CLNK: variants seen among roughly 807,000 people sequenced by gnomAD.
CLNK encodes the protein cytokine dependent hematopoietic cell linker.
CLNK carries 74 observed loss-of-function variants against 68.6 expected under a neutral mutation model. That is an observed-to-expected ratio of 1.08 (90% CI 0.89 to 1.31). CLNK has a LOEUF of 1.31. Among genes scored for constraint, CLNK ranks in the 50% most tolerant of loss-of-function variants. CLNK has a pLI of 0.00. For synonymous variants in CLNK, 198 were observed against 172.2 expected (o/e 1.15, Z -1.17); for missense variants, 553 against 515.3 (o/e 1.07, Z -0.71).
At chr4:10,537,730 T>TCTTTCTTTCTTTCTTTCTTC (rs1385874585) in intron 11 of CLNK, among the ~76,000 whole-genome samples, 4 of 132,812 alleles carry the variant, frequency 3.0e-5, no homozygotes, top group Non-Finnish European at 4.8e-5. Context: ...TTTCTTTCTT[T>TCTTTCTTTCTTTCTTTCTTC]CTTTCTTCCT....
At chr4:10,640,388 A>C (rs1392526105) in intron 2 of CLNK, among the ~76,000 whole-genome samples, 1 of 151,992 alleles carries the variant, frequency 6.6e-6, no homozygotes, top group Non-Finnish European at 1.5e-5. Flanking sequence ...CTGGTCTCGA[A>C]CTCCTGACCT....
At chr4:10,688,681 A>T (rs1725354829), upstream of CLNK, among the ~76,000 whole-genome samples, 1 of 152,210 alleles carries the variant, frequency 6.6e-6, no homozygotes. Flanking sequence ...GTATAAAATG[A>T]TAAAATTCTC....
At chr4:10,565,975 A>G (rs1353557519) in intron 6 of CLNK, 34 bp downstream of exon 6, 2 of 1,606,340 alleles carry the variant, frequency 1.2e-6, no homozygotes, top group African/African-American at 1.3e-5. Context: ...ATGTACATGC[A>G]TCTTCTTATT....
At chr4:10,660,800 G>A (rs1246071869) in intron 2 of CLNK, among the ~76,000 whole-genome samples, 1 of 152,166 alleles carries the variant, frequency 6.6e-6, no homozygotes, top group Non-Finnish European at 1.5e-5. Flanking sequence ...AACCACACCT[G>A]CTGCTCCTGC....
intron 1 of CLNK, among the ~76,000 whole-genome samples, chr4:10,678,207 G>T (rs1724950066): frequency 6.6e-6 from 1 of 152,200 alleles, no homozygotes; most frequent in African/African-American, 2.4e-5. Context: ...ATTATACAGT[G>T]AATTGTACAA....
intron 3 of CLNK, among the ~76,000 whole-genome samples, chr4:10,585,773 A>C (rs968409897): frequency 5.9e-5 from 9 of 152,224 alleles, no homozygotes; most frequent in African/African-American, 2.2e-4. Flanking sequence ...GCAACATAGC[A>C]AGATCTCTTG....
chr4:10,668,548 A>T (rs1724498741), intron 1 of CLNK, among the ~76,000 whole-genome samples: 1 of 152,200 alleles, frequency 6.6e-6, no homozygotes, highest in African/African-American at 2.4e-5. Flanking sequence ...TGACACTCTC[A>T]AATTGGGTAA....
intron 1 of CLNK, among the ~76,000 whole-genome samples, chr4:10,678,829 G>A (rs1724973949): frequency 6.6e-6 from 1 of 152,094 alleles, no homozygotes; most frequent in Non-Finnish European, 1.5e-5. Flanking sequence ...CCTCTTCAAG[G>A]AGAACTACAA....
chr4:10,726,010 A>G, the CLNK span, among the ~76,000 whole-genome samples: 2 of 152,166 alleles, frequency 1.3e-5, no homozygotes, highest in Non-Finnish European at 2.9e-5. Flanking sequence ...TGGGGACCAG[A>G]GGCTGTGAGC....
intron 4 of CLNK, among the ~76,000 whole-genome samples, chr4:10,578,973 G>A (rs1469810361): frequency 1.3e-5 from 2 of 152,230 alleles, no homozygotes; most frequent in African/African-American, 2.4e-5. Context: ...CTCCATGTAT[G>A]TGAATGTCTT....
intron 2 of CLNK, among the ~76,000 whole-genome samples, chr4:10,605,999 T>C (rs2108850574): frequency 6.6e-6 from 1 of 152,212 alleles, no homozygotes; most frequent in South Asian, 2.1e-4. Context: ...TACTGTAGGC[T>C]TTGGAGACTC....
Position 10,574,552 on chromosome 4 carries a change from C to T in CLNK, c.113-2774G>A, listed in dbSNP as rs901968427. Among the ~76,000 whole-genome samples the T allele has an allele frequency of 4.6e-5, 7 of 152,144 alleles. No homozygotes were observed. In the South Asian group the frequency reaches 6.2e-4, roughly 13 times the overall value. ...TCAGTTTAGCCGGAAACCACCTCTG[C>T]CCCCGCCCTTTCCCTTACCCCTGAG... On this transcript the variant is annotated intron_variant, in intron 4 of 18. Coordinates refer to ENST00000226951, the MANE Select transcript of CLNK (RefSeq NM_052964.4).
At chr4:10,709,335 C>T in the CLNK span, among the ~76,000 whole-genome samples, 1 of 152,224 alleles carries the variant, frequency 6.6e-6, no homozygotes, top group African/African-American at 2.4e-5. Flanking sequence ...GGGCACTGTA[C>T]TCAGAGTGAC....
intron 15 of CLNK, among the ~76,000 whole-genome samples, chr4:10,515,988 T>C (rs180674201): frequency 0.013 from 2,032 of 152,304 alleles, 23 homozygotes; most frequent in South Asian, 0.027. Flanking sequence ...CAAATGTTAA[T>C]GTGGTATTTT....
intron 18 of CLNK, among the ~76,000 whole-genome samples, chr4:10,494,777 G>C (rs922617510): frequency 6.6e-6 from 1 of 151,926 alleles, no homozygotes. Context: ...TCTTATTATT[G>C]GTTTCTAATG....
intron 2 of CLNK, among the ~76,000 whole-genome samples, chr4:10,652,723 T>C (rs1009976122): frequency 3.0e-4 from 46 of 152,342 alleles, no homozygotes; most frequent in Admixed American, 1.1e-3. Flanking sequence ...AATTCACAAT[T>C]ACTTTAAATG....
chr4:10,591,190 T>C (rs973850633), intron 3 of CLNK, among the ~76,000 whole-genome samples: 19 of 152,178 alleles, frequency 1.2e-4, no homozygotes, highest in Admixed American at 3.3e-4. Context: ...TGCTTAGAAC[T>C]GTGTCTCACA....
chr4:10,567,623 A>C (rs1720172573), intron 5 of CLNK, among the ~76,000 whole-genome samples: 1 of 152,250 alleles, frequency 6.6e-6, no homozygotes, highest in Non-Finnish European at 1.5e-5. Flanking sequence ...AAAGACCACA[A>C]AAAATAAAAA....
chr4:10,574,249 C>T (rs569646206), intron 4 of CLNK, among the ~76,000 whole-genome samples: 1 of 152,196 alleles, frequency 6.6e-6, no homozygotes, highest in Non-Finnish European at 1.5e-5. Flanking sequence ...CCACCCTGCT[C>T]TCTGACCTCA....
Sources: gnomAD v4.1 joint callset for allele counts (sites outside exome capture counted in the v4.1 genomes callset) on GRCh38, gnomAD v4.1.1 for gene constraint, MANE v1.5 for transcripts, NCBI Gene and HGNC (gene_info 2026-07-23, HGNC 2026-07-21) for gene names.